Variants in CNTN5 observed in about 807,000 individuals in gnomAD.
The protein encoded by CNTN5 is contactin 5.
A neutral mutation model predicts 129.1 loss-of-function variants in CNTN5; 77 were observed. That is an observed-to-expected ratio of 0.60 (90% CI 0.50 to 0.72). The LOEUF (loss-of-function observed/expected upper bound fraction) is 0.72, where lower values mean the gene tolerates loss of function less well. Ranked by LOEUF, CNTN5 falls within the 30% of genes least tolerant of loss-of-function variation. The pLI, the probability that CNTN5 is intolerant of heterozygous loss-of-function variation, is 0.00. For missense variants in CNTN5, 1,478 were observed against 1,328.8 expected, an observed-to-expected ratio of 1.11 and a Z score of -1.75; for synonymous variants, 509 against 465.6, an observed-to-expected ratio of 1.09 and a Z score of -1.20.
At chr11:99,732,956 A>T (rs987126171) in intron 3 of CNTN5, among the ~76,000 whole-genome samples, 1 of 152,164 alleles carries the variant, frequency 6.6e-6, no homozygotes, top group Non-Finnish European at 1.5e-5. Flanking sequence ...TGTCAGGCAT[A>T]AAAAAAGCAG....
At chr11:99,473,155 C>G (rs191957603) in intron 2 of CNTN5, among the ~76,000 whole-genome samples, 1 of 152,124 alleles carries the variant, frequency 6.6e-6, no homozygotes, top group East Asian at 1.9e-4. Context: ...TTATTTTTCT[C>G]ATGTAGACAA....
In CNTN5 at chr11:99,682,082, A is replaced by AG. The variant is rs201423551; in HGVS notation, c.55+125815dup. Among the ~76,000 whole-genome samples, 370 of 152,176 alleles carry AG rather than the reference A, an allele frequency of 2.4e-3. 7 individuals carry two copies. The highest frequency in any genetic ancestry group is 8.4e-3 in the African/African-American group (350 of 41,538). On this transcript the variant is annotated intron_variant, in intron 3 of 24. Coordinates refer to ENST00000524871, the MANE Select transcript of CNTN5 (RefSeq NM_014361.4). Reference sequence around the variant, plus strand: ...ACAGAAAAAGAATATGCAAGAACCAAGGAACATTATATACACAAATTGTTT... The same window carrying AG: ...ACAGAAAAAGAATATGCAAGAACCAAGGGAACATTATATACACAAATTGTTT...
intron 1 of CNTN5, among the ~76,000 whole-genome samples, chr11:99,222,412 T>C (rs1860443806): frequency 1.3e-5 from 2 of 151,862 alleles, no homozygotes; most frequent in South Asian, 2.1e-4. Flanking sequence ...AAAAATGTAA[T>C]AGTGTCAAAA....
At chr11:99,071,843 G>A (rs560676897) in intron 1 of CNTN5, among the ~76,000 whole-genome samples, 1 of 151,790 alleles carries the variant, frequency 6.6e-6, no homozygotes, top group Non-Finnish European at 1.5e-5. Flanking sequence ...ATCAAAATTG[G>A]CACAGGAAGA....
chr11:99,491,434 G>A (rs2135350455), intron 2 of CNTN5, among the ~76,000 whole-genome samples: 1 of 152,208 alleles, frequency 6.6e-6, no homozygotes, highest in South Asian at 2.1e-4. Flanking sequence ...GACTCCCGGT[G>A]GAAGTATTTA....
intron 3 of CNTN5, among the ~76,000 whole-genome samples, chr11:99,639,950 A>G (rs1010665969): frequency 6.6e-6 from 1 of 152,102 alleles, no homozygotes; most frequent in African/African-American, 2.4e-5. Flanking sequence ...AGTTCCACAA[A>G]TCTCTAGGGC....
chr11:99,746,545 C>T (rs536962459), intron 3 of CNTN5, among the ~76,000 whole-genome samples: 1 of 152,310 alleles, frequency 6.6e-6, no homozygotes, highest in East Asian at 1.9e-4. Flanking sequence ...TGATCTCCAC[C>T]TCCTGCCAGA....
intron 3 of CNTN5, among the ~76,000 whole-genome samples, chr11:99,598,259 CTTTT>C: frequency 1.2e-3 from 2 of 1,708 alleles, no homozygotes; most frequent in South Asian, 0.017. Flanking sequence ...CTTAGCTTTC[CTTTT>C]CTTTTCTTTT....
chr11:99,061,967 G>T (rs1251756849), intron 1 of CNTN5, among the ~76,000 whole-genome samples: 1 of 150,144 alleles, frequency 6.7e-6, no homozygotes, highest in Admixed American at 6.7e-5. Context: ...ACTCCAGTGT[G>T]GGCAACAGAG....
chr11:100,088,280 T>G (rs1193692402), intron 13 of CNTN5, among the ~76,000 whole-genome samples: 2 of 151,802 alleles, frequency 1.3e-5, no homozygotes, highest in African/African-American at 2.4e-5. Flanking sequence ...ATGCCTACCT[T>G]GAAACATGAG....
intron 1 of CNTN5, among the ~76,000 whole-genome samples, chr11:99,126,164 T>G (rs1355742885): frequency 6.6e-5 from 10 of 152,178 alleles, no homozygotes; most frequent in African/African-American, 2.4e-4. Context: ...TATTAACAGA[T>G]TCAGTAAAAA....
At chr11:99,274,159 T>C (rs1410068062) in intron 1 of CNTN5, among the ~76,000 whole-genome samples, 1 of 151,736 alleles carries the variant, frequency 6.6e-6, no homozygotes, top group African/African-American at 2.4e-5. Context: ...CATTTTGCAG[T>C]GCTATTTCAT....
rs80325367 is a variant in CNTN5 at position 99,335,680 on chromosome 11, T to C, written c.-71+10196T>C. Among the ~76,000 whole-genome samples, 656 of 152,202 alleles carry C rather than the reference T, an allele frequency of 4.3e-3. 9 individuals carry two copies. The East Asian group carries it at 0.049, about 11-fold the overall frequency. On this transcript the variant is annotated intron_variant, in intron 2 of 24. Transcript: ENST00000524871. ...ACATACCTCAGAATTCTCACAATGATAGATGGAAAGCTGGGGTAAATATGT... is the reference window on the plus strand; with the variant it reads ...ACATACCTCAGAATTCTCACAATGACAGATGGAAAGCTGGGGTAAATATGT...
intron 1 of CNTN5, among the ~76,000 whole-genome samples, chr11:99,118,006 A>G (rs931904121): frequency 1.3e-5 from 2 of 152,184 alleles, no homozygotes; most frequent in Non-Finnish European, 2.9e-5. Context: ...GTAATTTCCA[A>G]TGAGGTACTA....
At chr11:99,255,732 C>A (rs1051835155) in intron 1 of CNTN5, among the ~76,000 whole-genome samples, 1 of 151,016 alleles carries the variant, frequency 6.6e-6, no homozygotes, top group African/African-American at 2.4e-5. Context: ...AAAATATGGT[C>A]ATTATAATTT....
chr11:99,798,309 G>C (rs1313010324), intron 3 of CNTN5, among the ~76,000 whole-genome samples: 1 of 151,526 alleles, frequency 6.6e-6, no homozygotes, highest in Admixed American at 6.6e-5. Flanking sequence ...TCTTTTCTAT[G>C]GTAGAATTGC....
intron 2 of CNTN5, among the ~76,000 whole-genome samples, chr11:99,439,964 T>A (rs1055979472): frequency 4.6e-5 from 7 of 152,006 alleles, no homozygotes; most frequent in African/African-American, 1.7e-4. Flanking sequence ...TAGAAAACAA[T>A]ATGGATCATT....
At chr11:100,167,406 A>G (rs1947675043) in intron 13 of CNTN5, among the ~76,000 whole-genome samples, 1 of 151,808 alleles carries the variant, frequency 6.6e-6, no homozygotes, top group Non-Finnish European at 1.5e-5. Flanking sequence ...TTAAACATTC[A>G]TTTCTGTATT....
At chr11:99,647,296 T>C (rs1189011465) in intron 3 of CNTN5, among the ~76,000 whole-genome samples, 1 of 152,114 alleles carries the variant, frequency 6.6e-6, no homozygotes, top group Non-Finnish European at 1.5e-5. Context: ...TTAAAGAGAC[T>C]GTACTTTCCC....
Sources: gnomAD v4.1 joint callset for allele counts (sites outside exome capture counted in the v4.1 genomes callset) on GRCh38, gnomAD v4.1.1 for gene constraint, MANE v1.5 for transcripts, NCBI Gene and HGNC (gene_info 2026-07-23, HGNC 2026-07-21) for gene names.